The following PRKG1 variants were observed in gnomAD, a reference collection of about 807,000 sequenced individuals.
The protein encoded by PRKG1 is cGMP-dependent protein kinase 1.
Under a neutral mutation model 88.1 loss-of-function variants are expected in PRKG1, and 35 were observed. The observed-to-expected ratio is 0.40, with a 90% CI of 0.30 to 0.53. The LOEUF is 0.53. Among genes scored for constraint, PRKG1 ranks in the 20% least tolerant of loss-of-function variants. PRKG1 has a pLI of 0.59. For missense variants in PRKG1, 540 were observed against 839.8 expected (o/e 0.64, Z 4.41); for synonymous variants, 303 against 292.5 (o/e 1.04, Z -0.37).
At chr10:51,775,098 T>C (rs1838399784) in intron 3 of PRKG1, among the ~76,000 whole-genome samples, 2 of 152,176 alleles carry the variant, frequency 1.3e-5, no homozygotes. Flanking sequence ...AAATGACTGA[T>C]TGGAACTCTA....
At chr10:51,904,915 G>C (rs754715010) in intron 4 of PRKG1, among the ~76,000 whole-genome samples, 2 of 152,048 alleles carry the variant, frequency 1.3e-5, no homozygotes, top group Non-Finnish European at 2.9e-5. Flanking sequence ...CTGTATTATG[G>C]CTAGGAATAG....
chr10:51,032,007 TCTGTATA>T (rs566516783), intron 1 of PRKG1, among the ~76,000 whole-genome samples: 594 of 152,284 alleles, frequency 3.9e-3, no homozygotes, highest in Middle Eastern at 6.8e-3. Context: ...GGTTGGATGC[TCTGTATA>T]GGAAAAACAT....
chr10:51,757,915 T>C (rs904930684), intron 3 of PRKG1, among the ~76,000 whole-genome samples: 1 of 152,200 alleles, frequency 6.6e-6, no homozygotes, highest in African/African-American at 2.4e-5. Flanking sequence ...TTTTTAGTTG[T>C]ATGCTACCTG....
At chr10:51,731,555 A>G (rs1842271532) in intron 3 of PRKG1, among the ~76,000 whole-genome samples, 2 of 152,208 alleles carry the variant, frequency 1.3e-5, no homozygotes, top group Non-Finnish European at 2.9e-5. Flanking sequence ...GACTTCCAGT[A>G]TTTAGTTTTC....
intron 2 of PRKG1, among the ~76,000 whole-genome samples, chr10:51,231,017 G>C (rs963500511): frequency 6.6e-6 from 1 of 152,100 alleles, no homozygotes; most frequent in African/African-American, 2.4e-5. Context: ...AAACCATTAA[G>C]TCTGGAATTC....
chr10:52,005,993 A>G (rs1356064887), intron 5 of PRKG1, among the ~76,000 whole-genome samples: 1 of 152,084 alleles, frequency 6.6e-6, no homozygotes, highest in African/African-American at 2.4e-5. Context: ...TCATTAAGAC[A>G]CAGTAGCAAA....
intron 4 of PRKG1, among the ~76,000 whole-genome samples, chr10:51,809,127 C>G (rs1371308895): frequency 6.6e-6 from 1 of 151,986 alleles, no homozygotes; most frequent in African/African-American, 2.4e-5. Flanking sequence ...ATTGTATTTA[C>G]CCATTTTGTA....
At chr10:51,152,217 T>A (rs1846089973) in intron 1 of PRKG1, among the ~76,000 whole-genome samples, 1 of 152,104 alleles carries the variant, frequency 6.6e-6, no homozygotes, top group African/African-American at 2.4e-5. Flanking sequence ...TAAAACTTTC[T>A]CGTTAACCAC....
At chr10:52,050,072 G>T (rs1428982916) in intron 5 of PRKG1, among the ~76,000 whole-genome samples, 3 of 151,954 alleles carry the variant, frequency 2.0e-5, no homozygotes, top group Admixed American at 2.0e-4. Flanking sequence ...TGTGTGTGGT[G>T]GTGGTGGTAA....
intron 3 of PRKG1, among the ~76,000 whole-genome samples, chr10:51,502,082 AC>A (rs1455683871): frequency 6.6e-6 from 1 of 152,162 alleles, no homozygotes; most frequent in African/African-American, 2.4e-5. Context: ...TAAAAACTTG[AC>A]TTTTCTATTA....
intron 5 of PRKG1, among the ~76,000 whole-genome samples, chr10:52,005,064 GT>G (rs1212862791): frequency 6.6e-6 from 1 of 152,032 alleles, no homozygotes. Context: ...CTTATTTCAT[GT>G]GTTACAGGAC....
At chr10:51,810,709 T>TA (rs113640887) in intron 4 of PRKG1, among the ~76,000 whole-genome samples, 23,651 of 152,070 alleles carry the variant, frequency 0.16, 2,648 homozygotes, top group African/African-American at 0.32. Context: ...GATTTTCCCT[T>TA]AAAAAAATAT....
intron 5 of PRKG1, among the ~76,000 whole-genome samples, chr10:51,934,028 C>A (rs1182026966): frequency 6.6e-6 from 1 of 152,018 alleles, no homozygotes; most frequent in Non-Finnish European, 1.5e-5. Context: ...TAAATACATA[C>A]ATGTAAATTA....
In PRKG1 at chr10:51,858,674, A is replaced by G. The variant is rs1840783839; in HGVS notation, c.699-48833A>G. ...GTACCTGTGCGTTTATTAGCAAACA[A>G]GCATTTACTGGGTGCCTGCCATATT... On this transcript the variant is annotated intron_variant, in intron 4 of 17. Transcript: ENST00000373980. Among the ~76,000 whole-genome samples the G allele has an allele frequency of 2.6e-5, 4 of 151,446 alleles. No homozygotes were observed. The South Asian group carries it at 8.3e-4, about 32-fold the overall frequency.
chr10:51,584,983 G>A (rs995455605), intron 3 of PRKG1, among the ~76,000 whole-genome samples: 5 of 151,998 alleles, frequency 3.3e-5, no homozygotes, highest in Non-Finnish European at 7.4e-5. Flanking sequence ...ATTTACCCCC[G>A]ATAAGTTTAA....
chr10:51,930,975 C>T (rs1842682047), intron 5 of PRKG1, among the ~76,000 whole-genome samples: 1 of 152,104 alleles, frequency 6.6e-6, no homozygotes, highest in East Asian at 1.9e-4. Flanking sequence ...ACTGGAAGTG[C>T]TTCTCTCCTG....
At chr10:52,145,293 C>A (rs1440782868) in intron 8 of PRKG1, among the ~76,000 whole-genome samples, 2 of 152,034 alleles carry the variant, frequency 1.3e-5, no homozygotes, top group Non-Finnish European at 2.9e-5. Flanking sequence ...ATTTCTAAGA[C>A]TTGCATTTTT....
chr10:51,625,551 G>A (rs980956628), intron 3 of PRKG1, among the ~76,000 whole-genome samples: 37 of 152,084 alleles, frequency 2.4e-4, no homozygotes, highest in African/African-American at 8.7e-4. Flanking sequence ...GCTGGAATGG[G>A]GATTAACTGA....
chr10:52,072,676 C>G (rs1029997429), intron 7 of PRKG1, among the ~76,000 whole-genome samples: 1 of 152,100 alleles, frequency 6.6e-6, no homozygotes, highest in Non-Finnish European at 1.5e-5. Context: ...ACTCTTTCTT[C>G]TCCTAAAATT....
Sources: gnomAD v4.1 joint callset for allele counts (sites outside exome capture counted in the v4.1 genomes callset) on GRCh38, gnomAD v4.1.1 for gene constraint, MANE v1.5 for transcripts, NCBI Gene and HGNC (gene_info 2026-07-23, HGNC 2026-07-21) for gene names.